The following NFAM1 variants were observed in gnomAD, a reference collection of about 807,000 sequenced individuals.
The protein encoded by NFAM1 is NFAT activating protein with ITAM motif 1.
Under a neutral mutation model 29.0 loss-of-function variants are expected in NFAM1, and 17 were observed. The observed-to-expected ratio is 0.59, with a 90% CI of 0.40 to 0.88. The LOEUF (loss-of-function observed/expected upper bound fraction) is 0.88. Among genes scored for constraint, NFAM1 ranks in the 40% least tolerant of loss-of-function variants. The pLI, the probability that NFAM1 is intolerant of heterozygous loss-of-function variation, is 0.00. For synonymous variants in NFAM1, 175 were observed against 147.2 expected (o/e 1.19, Z -1.36); for missense variants, 324 against 344.6 (o/e 0.94, Z 0.47).
At chr22:42,435,677 A>T (rs1162598782), upstream of NFAM1, among the ~76,000 whole-genome samples, 2 of 152,094 alleles carry the variant, frequency 1.3e-5, no homozygotes, top group Admixed American at 1.3e-4. Context: ...TTCCACAAAC[A>T]CTTATTATGT....
At chr22:42,391,101 C>A (rs957222384) in intron 4 of NFAM1, among the ~76,000 whole-genome samples, 1 of 152,182 alleles carries the variant, frequency 6.6e-6, no homozygotes, top group African/African-American at 2.4e-5. Flanking sequence ...CTCCTCACAC[C>A]CCTAGGCAGT....
Position 42,387,017 on chromosome 22 carries a change from G to T in NFAM1, c.725C>A (p.Pro242His), listed in dbSNP as rs1601731686. The change falls in exon 5 of 6, where the codon CCC becomes CAC. Residue 242 changes from proline (P) to histidine (H), a missense_variant. By Grantham distance (77) the Pro-to-His change is moderately conservative. Transcript: ENST00000329021. ...ACIENEDGSS[P>H]TAKQSPLSQE... Reference sequence around the variant, plus strand: ...GGAGAGGGGGCTCTGCTTGGCGGTGGGTGAGCTGCCATCCTCATTCTCGAT... The same window carrying T: ...GGAGAGGGGGCTCTGCTTGGCGGTGTGTGAGCTGCCATCCTCATTCTCGAT... 1 of 1,580,914 alleles carries T rather than the reference G, an allele frequency of 6.3e-7. No homozygotes were observed. The highest frequency in any genetic ancestry group is 8.6e-7 in the Non-Finnish European group (1 of 1,163,852).
chr22:42,394,422 G>T (rs1053240587), intron 4 of NFAM1, among the ~76,000 whole-genome samples: 34 of 152,076 alleles, frequency 2.2e-4, no homozygotes, highest in African/African-American at 8.2e-4. Flanking sequence ...TCAGACTCCT[G>T]GGCTCAAGCA....
intron 4 of NFAM1, among the ~76,000 whole-genome samples, chr22:42,392,158 C>A (rs1471807107): frequency 6.6e-6 from 1 of 151,710 alleles, no homozygotes; most frequent in Non-Finnish European, 1.5e-5. Context: ...CCAGGATGGG[C>A]TCCAACATTT....
At chr22:42,434,850 C>T (rs1251950884), upstream of NFAM1, among the ~76,000 whole-genome samples, 7 of 152,208 alleles carry the variant, frequency 4.6e-5, no homozygotes, top group Non-Finnish European at 8.8e-5. Context: ...GGGGACCACA[C>T]GTCTCAGCCA....
At chr22:42,396,230 C>T (rs1929520452) in intron 4 of NFAM1, among the ~76,000 whole-genome samples, 1 of 152,088 alleles carries the variant, frequency 6.6e-6, no homozygotes, top group Non-Finnish European at 1.5e-5. Flanking sequence ...GGCTGTGAAA[C>T]CCAGGCAAAA....
intron 1 of NFAM1, among the ~76,000 whole-genome samples, chr22:42,421,243 G>T (rs1222356888): frequency 6.6e-6 from 1 of 152,070 alleles, no homozygotes; most frequent in African/African-American, 2.4e-5. Context: ...CTGAGGTCAG[G>T]AGTTTGAGAC....
chr22:42,386,329 G>A (rs1302666353), intron 5 of NFAM1, among the ~76,000 whole-genome samples: 3 of 151,690 alleles, frequency 2.0e-5, no homozygotes, highest in Non-Finnish European at 4.4e-5. Context: ...AGCTGAGATC[G>A]CGCCACTGCA....
chr22:42,426,144 T>C (rs1254125705), intron 1 of NFAM1, among the ~76,000 whole-genome samples: 1 of 151,900 alleles, frequency 6.6e-6, no homozygotes, highest in Non-Finnish European at 1.5e-5. Context: ...ACCTCAAAGG[T>C]GGGAGTGGCC....
In NFAM1 at chr22:42,384,942, C is replaced by T. The variant is rs1929082084; in HGVS notation, c.*219G>A. ...GGAAGGGCCTGCCTGGCAGAAGGAA[C>T]AGCCTGGGCAAAGGCCCCAAGATGG... On this transcript the variant is annotated 3_prime_UTR_variant, in exon 6 of 6. Coordinates refer to ENST00000329021, the MANE Select transcript of NFAM1 (RefSeq NM_145912.8). The T allele has an allele frequency of 9.3e-6, 6 of 642,514 alleles. No homozygotes were observed. The highest frequency in any genetic ancestry group is 1.7e-5 in the Non-Finnish European group (6 of 359,042). 39.8% of individuals were successfully genotyped at this position (642,514 alleles called of 1,614,324 possible).
chr22:42,428,185 G>A (rs762290969), intron 1 of NFAM1, among the ~76,000 whole-genome samples: 5 of 152,100 alleles, frequency 3.3e-5, no homozygotes, highest in Non-Finnish European at 5.9e-5. Flanking sequence ...GCCTCTCCCG[G>A]CCCTCCTGGC....
chr22:42,402,914 C>T (rs901800995), intron 3 of NFAM1, among the ~76,000 whole-genome samples: 1 of 145,868 alleles, frequency 6.9e-6, no homozygotes, highest in East Asian at 2.1e-4. Flanking sequence ...AGGCTCACTG[C>T]ATCCTCCGCC....
intron 1 of NFAM1, among the ~76,000 whole-genome samples, chr22:42,414,174 T>G (rs887617968): frequency 6.6e-6 from 1 of 152,210 alleles, no homozygotes; most frequent in African/African-American, 2.4e-5. Flanking sequence ...GTTCGACTTG[T>G]AATTGACATA....
At chr22:42,397,801 A>G in intron 4 of NFAM1, 57 bp downstream of exon 4, 1 of 966,314 alleles carries the variant, frequency 1.0e-6, no homozygotes, top group East Asian at 2.4e-5. Flanking sequence ...CTGGTACAAG[A>G]CAGACTCTGC....
At chr22:42,401,550 C>T (rs1929727553) in intron 3 of NFAM1, among the ~76,000 whole-genome samples, 1 of 152,014 alleles carries the variant, frequency 6.6e-6, no homozygotes. Context: ...CAAGGGGTCC[C>T]GTGGAGGAGG....
At chr22:42,431,940 A>C (rs1416037987) in intron 1 of NFAM1, among the ~76,000 whole-genome samples, 1 of 148,684 alleles carries the variant, frequency 6.7e-6, no homozygotes, top group Non-Finnish European at 1.5e-5. Flanking sequence ...GGCCCCAGCC[A>C]CACAGCGCCC....
intron 1 of NFAM1, 126 bp downstream of exon 1, chr22:42,432,111 C>T (rs890072548): frequency 1.2e-5 from 10 of 847,826 alleles, no homozygotes; most frequent in Middle Eastern, 3.4e-4. Context: ...AAGTCTGCAG[C>T]GTTCAAACGA....
chr22:42,422,228 G>A (rs1930469058), intron 1 of NFAM1, among the ~76,000 whole-genome samples: 1 of 152,142 alleles, frequency 6.6e-6, no homozygotes, highest in Non-Finnish European at 1.5e-5. Flanking sequence ...CAAACCAAGT[G>A]CAGAACGTCC....
intron 1 of NFAM1, among the ~76,000 whole-genome samples, chr22:42,420,436 C>A (rs1420833646): frequency 3.3e-5 from 5 of 152,074 alleles, no homozygotes; most frequent in African/African-American, 9.7e-5. Flanking sequence ...CATGCCACTG[C>A]ACTCCAGCCT....
Sources: allele counts gnomAD v4.1 joint callset (sites outside exome capture counted in the v4.1 genomes callset), GRCh38; gene constraint gnomAD v4.1.1; transcripts MANE v1.5; gene names NCBI Gene and HGNC (gene_info 2026-07-23, HGNC 2026-07-21).